Variants in ATF6 observed in about 807,000 individuals in gnomAD.
ATF6 encodes the protein cyclic AMP-dependent transcription factor ATF-6 alpha.
ATF6 carries 53 observed loss-of-function variants against 83.6 expected under a neutral mutation model. That is an observed-to-expected ratio of 0.63 (90% CI 0.51 to 0.80). ATF6 has a LOEUF of 0.80. Ranked by LOEUF, ATF6 falls within the 30% of genes least tolerant of loss-of-function variation. The pLI is 0.00. For synonymous variants in ATF6, 288 were observed against 285.8 expected, an observed-to-expected ratio of 1.01 and a Z score of -0.08; for missense variants, 744 against 797.9, an observed-to-expected ratio of 0.93 and a Z score of 0.81.
intron 4 of ATF6, among the ~76,000 whole-genome samples, chr1:161,786,106 C>T (rs1684742647): frequency 1.7e-4 from 2 of 11,658 alleles, no homozygotes; most frequent in South Asian, 4.9e-3. Context: ...CTCCCGAGTA[C>T]CTGGGATTAC....
chr1:161,870,319 ATAGC>A (rs1157531208), intron 14 of ATF6, among the ~76,000 whole-genome samples: 2 of 151,874 alleles, frequency 1.3e-5, no homozygotes, highest in Non-Finnish European at 3.0e-5. Context: ...ATATTATAGT[ATAGC>A]TTCAGATTTC....
intron 1 of ATF6, among the ~76,000 whole-genome samples, chr1:161,766,701 G>T (rs969329076): frequency 6.6e-6 from 1 of 152,204 alleles, no homozygotes; most frequent in Non-Finnish European, 1.5e-5. Context: ...AGTACCGGGT[G>T]ATCTTTTTGT....
chr1:161,949,817 A>G (rs1180165690), intron 15 of ATF6, among the ~76,000 whole-genome samples: 1 of 152,118 alleles, frequency 6.6e-6, no homozygotes, highest in Non-Finnish European at 1.5e-5. Context: ...CCATGACCCA[A>G]ATACCTCCCA....
At chr1:161,814,777 A>G (rs2101775210) in intron 7 of ATF6, among the ~76,000 whole-genome samples, 1 of 152,354 alleles carries the variant, frequency 6.6e-6, no homozygotes, top group Middle Eastern at 3.4e-3. Context: ...TAAGATTCTT[A>G]ACAAAAATCA....
chr1:161,916,560 T>A (rs776273793), intron 15 of ATF6, among the ~76,000 whole-genome samples: 74 of 152,336 alleles, frequency 4.9e-4, no homozygotes, highest in Non-Finnish European at 9.8e-4. Flanking sequence ...TAGAGTTCAA[T>A]GTATAGCATA....
Position 161,958,584 on chromosome 1 carries a change from T to C in ATF6, c.1943T>C (p.Phe648Ser). Residue 648 changes from phenylalanine to serine, a missense_variant, in exon 16 of 16, where the codon TTC (phenylalanine) becomes TCC (serine). Physicochemically the swap from Phe to Ser is radical, Grantham distance 155 (BLOSUM62 -2). Transcript: ENST00000367942. Reference protein sequence around the residue: ...RDQQRNQTNTFFGSPPAATEA... With the variant: ...RDQQRNQTNTSFGSPPAATEA... ...CAGCAGAGGAATCAAACCAACACCTTCTTTGGCTCCCCTCCCGCAGCCACA... is the reference window on the plus strand; with the variant it reads ...CAGCAGAGGAATCAAACCAACACCTCCTTTGGCTCCCCTCCCGCAGCCACA... 1.2e-6 allele frequency: 2 copies of C among 1,613,944 alleles called. No individual in the cohort carries two copies. Among genetic ancestry groups the C allele is most frequent in the Non-Finnish European group, 1.7e-6 (2 of 1,179,968 alleles).
intron 14 of ATF6, among the ~76,000 whole-genome samples, chr1:161,909,440 GT>G (rs1476954840): frequency 6.6e-6 from 1 of 151,976 alleles, no homozygotes; most frequent in Admixed American, 6.6e-5. Context: ...TTTATTCTGG[GT>G]GGCCTTGTGC....
At chr1:161,940,632 C>T (rs1230235281) in intron 15 of ATF6, among the ~76,000 whole-genome samples, 1 of 141,954 alleles carries the variant, frequency 7.0e-6, no homozygotes, top group African/African-American at 2.6e-5. Flanking sequence ...AATCTTGGCT[C>T]ACTGCAACCT....
intron 14 of ATF6, among the ~76,000 whole-genome samples, chr1:161,892,897 C>T (rs1687588045): frequency 6.6e-6 from 1 of 151,986 alleles, no homozygotes; most frequent in Non-Finnish European, 1.5e-5. Flanking sequence ...CTTGGCCTCC[C>T]AAAGTGCTGG....
At chr1:161,859,834 G>A (rs1396226963) in intron 12 of ATF6, among the ~76,000 whole-genome samples, 6 of 152,050 alleles carry the variant, frequency 3.9e-5, no homozygotes, top group Non-Finnish European at 5.9e-5. Flanking sequence ...GTTTCATTAT[G>A]GACTTTTCAT....
chr1:161,846,322 A>C (rs1360318481), intron 9 of ATF6, 127 bp from the exon 10 acceptor site: 1 of 1,026,004 alleles, frequency 9.7e-7, no homozygotes, highest in African/African-American at 1.6e-5. Flanking sequence ...ACTTGCGTCT[A>C]TGCCTAGCAT....
chr1:161,896,586 A>G (rs976870851), intron 14 of ATF6, among the ~76,000 whole-genome samples: 1 of 152,192 alleles, frequency 6.6e-6, no homozygotes, highest in Non-Finnish European at 1.5e-5. Flanking sequence ...ATTTTTCCTT[A>G]TTGGTGAAAA....
chr1:161,904,584 T>TAAAAC (rs1347714682), intron 14 of ATF6, among the ~76,000 whole-genome samples: 2 of 150,920 alleles, frequency 1.3e-5, no homozygotes, highest in East Asian at 1.9e-4. Context: ...TGAGACTGTA[T>TAAAAC]AAAACAAAAC....
rs1300304087 is a variant in ATF6, at chr1:161,960,211, A to G, written c.*1557A>G. The G allele has an allele frequency of 6.6e-6, 1 of 152,090 alleles. No individual in the cohort carries two copies. Among genetic ancestry groups the G allele is most frequent in the Non-Finnish European group, 1.5e-5 (1 of 68,026 alleles). 9.4% of individuals were successfully genotyped at this position (152,090 alleles called of 1,614,324 possible). On this transcript the variant is annotated 3_prime_UTR_variant, in exon 16 of 16. Coordinates refer to ENST00000367942, the MANE Select transcript of ATF6 (RefSeq NM_007348.4). Reference sequence around the variant, plus strand: ...GATCTCATACAGCGATGTCCTCTCTAATGTTCTACCTTTCAGTTTCTAAAG... The same window carrying G: ...GATCTCATACAGCGATGTCCTCTCTGATGTTCTACCTTTCAGTTTCTAAAG...
At chr1:161,771,997 C>T (rs1386603574) in intron 1 of ATF6, among the ~76,000 whole-genome samples, 1 of 152,162 alleles carries the variant, frequency 6.6e-6, no homozygotes, top group Non-Finnish European at 1.5e-5. Flanking sequence ...TTGTCACTAC[C>T]AATAACATCT....
chr1:161,930,394 C>A lies in ATF6; in HGVS notation c.1804+18014C>A, dbSNP rs144650663. 1.9e-4 allele frequency among the ~76,000 whole-genome samples: 29 copies of A among 152,258 alleles called. 1 individual carries two copies. The East Asian group carries it at 5.6e-3, about 29-fold the overall frequency. On this transcript the variant is annotated intron_variant, in intron 15 of 15. Transcript: ENST00000367942. ...GAGAGCCATTTTAGTTTTCTAGTTT[C>A]AGTGATCTATTTTTTAGATTTTAAG...
chr1:161,950,102 C>T (rs914228438), intron 15 of ATF6, among the ~76,000 whole-genome samples: 2 of 152,174 alleles, frequency 1.3e-5, no homozygotes, highest in Non-Finnish European at 2.9e-5. Context: ...CCTGAATATT[C>T]GTGGTGTTGT....
intron 15 of ATF6, among the ~76,000 whole-genome samples, chr1:161,955,756 C>T (rs1688955098): frequency 6.6e-6 from 1 of 152,208 alleles, no homozygotes; most frequent in South Asian, 2.1e-4. Flanking sequence ...CAGCTTGTCA[C>T]TCAGAAGGAG....
At chr1:161,949,202 A>G (rs1688817041) in intron 15 of ATF6, among the ~76,000 whole-genome samples, 1 of 152,218 alleles carries the variant, frequency 6.6e-6, no homozygotes, top group South Asian at 2.1e-4. Context: ...CTGTGGGGCC[A>G]TGTCTACACA....
Sources: allele counts gnomAD v4.1 joint callset (sites outside exome capture counted in the v4.1 genomes callset), GRCh38; gene constraint gnomAD v4.1.1; transcripts MANE v1.5; gene names NCBI Gene and HGNC (gene_info 2026-07-23, HGNC 2026-07-21).